SMG7: variants seen among roughly 807,000 people sequenced by gnomAD.
SMG7 encodes the protein SMG7 nonsense mediated mRNA decay factor.
SMG7 carries 34 observed loss-of-function variants against 148.2 expected under a neutral mutation model. The observed-to-expected ratio is 0.23, with a 90% confidence interval of 0.17 to 0.31. SMG7 has a LOEUF of 0.31. SMG7 is among the 10% of genes least tolerant of loss of function. The pLI is 1.00. For synonymous variants in SMG7, 492 were observed against 515.1 expected (o/e 0.96, Z 0.61); for missense variants, 1,114 against 1,408.4 (o/e 0.79, Z 3.35).
rs374142592 is a variant in SMG7, at chr1:183,544,960, C to T, written c.2018C>T (p.Pro673Leu). The change falls in exon 16 of 23, where the codon CCG becomes CTG. Residue 673 changes from proline (P) to leucine (L), a missense_variant. Around this residue, in one of 4 missense-constraint regions of SMG7, gnomAD observed 788 missense variants for 894.5 expected, o/e 0.88. Coordinates refer to ENST00000688051, the MANE Select transcript of SMG7 (RefSeq NM_001375584.1). The part of the protein sequence containing the change: ...GFPPPTYVIP[P>L]PVAFSMGSGY... ...CCGCCCCCAACATATGTTATCCCCC[C>T]GCCTGTGGCATTTTCTATGGGCTCA... The T allele has an allele frequency of 1.4e-5, 23 of 1,613,820 alleles. No individual in the cohort carries two copies. The highest frequency in any genetic ancestry group is 1.7e-4 in the Middle Eastern group (1 of 6,058).
At chr1:183,513,369 C>CTTTTTTTTT (rs1224170251) in intron 2 of SMG7, 1 of 122,716 alleles carries the variant, frequency 8.1e-6, no homozygotes. Flanking sequence ...ATCTTTGTTA[C>CTTTTTTTTT]TTTTTTTTTT....
At position 183,529,489 on chromosome 1, in the gene SMG7, G is replaced by C; in HGVS notation, c.799G>C (p.Glu267Gln). 1 of 1,613,220 alleles carries C rather than the reference G, an allele frequency of 6.2e-7. No homozygotes were observed. The highest frequency in any genetic ancestry group is 8.5e-7 in the Non-Finnish European group (1 of 1,179,342). The change falls in exon 8 of 23, where the codon GAA becomes CAA. Residue 267 changes from glutamate (E) to glutamine (Q), a missense_variant. Transcript: ENST00000688051. Reference protein sequence around the residue: ...HGHVYLSKSLEKLSPLREKLE... With the variant: ...HGHVYLSKSLQKLSPLREKLE... The stretch of plus-strand genomic sequence containing the variant: ...TCATGTGTACCTGAGTAAGAGCTTG[G>C]AAAAGTTGAGCCCTCTTCGAGAGAA...
At chr1:183,526,400 C>T (rs1475300973) in intron 4 of SMG7, among the ~76,000 whole-genome samples, 196 bp from the exon 5 acceptor site, 1 of 151,932 alleles carries the variant, frequency 6.6e-6, no homozygotes, top group Non-Finnish European at 1.5e-5. Flanking sequence ...GTGATCCGCC[C>T]GCCTTGGCCT....
rs1046183336 is a variant in SMG7 at position 183,537,532 on chromosome 1, ATACT to A, written c.1234+322_1234+325del. ...ACATGAACATTGCTCTGTCAAAGTAATACTTACTCATCGTAGAAAATTTGGTACA... is the reference window on the plus strand; with the variant it reads ...ACATGAACATTGCTCTGTCAAAGTAATACTCATCGTAGAAAATTTGGTACA... On this transcript the variant is annotated intron_variant, in intron 11 of 22. Coordinates refer to ENST00000688051, the MANE Select transcript of SMG7 (RefSeq NM_001375584.1). 3.9e-5 allele frequency among the ~76,000 whole-genome samples: 6 copies of A among 152,206 alleles called. No individual in the cohort carries two copies. The South Asian group carries it at 6.2e-4, about 16-fold the overall frequency.
intron 1 of SMG7, chr1:183,502,464 G>A: frequency 5.1e-6 from 6 of 1,186,214 alleles, no homozygotes; most frequent in Non-Finnish European, 5.7e-6. Context: ...CATACTCTGT[G>A]AATACTAATA....
chr1:183,504,066 TC>T (rs1169340888), intron 1 of SMG7, among the ~76,000 whole-genome samples: 2 of 152,152 alleles, frequency 1.3e-5, no homozygotes, highest in African/African-American at 4.8e-5. Flanking sequence ...TTTCCAACAC[TC>T]CCAGTGGCTC....
intron 20 of SMG7, among the ~76,000 whole-genome samples, chr1:183,550,378 T>C (rs918801038): frequency 1.3e-5 from 2 of 152,212 alleles, no homozygotes; most frequent in African/African-American, 2.4e-5. Flanking sequence ...CTCTGCACTT[T>C]TTAAAATTGA....
In SMG7 at chr1:183,553,422, A is replaced by G; in HGVS notation, c.*1491A>G. The G allele has an allele frequency of 1.9e-6, 1 of 528,572 alleles. No individual in the cohort carries two copies. The highest frequency in any genetic ancestry group is 3.4e-6 in the Non-Finnish European group (1 of 296,302). The allele number at this position is 528,572 out of a possible 1,614,324, so 32.7% of individuals were successfully genotyped here. On this transcript the variant is annotated 3_prime_UTR_variant, in exon 23 of 23. Coordinates refer to ENST00000688051, the MANE Select transcript of SMG7 (RefSeq NM_001375584.1). The stretch of plus-strand genomic sequence containing the variant: ...TATGTTTGTGTACACACACGTGCCC[A>G]TCTGCTGTCCCAGAGGGGAGGGGTT...
intron 20 of SMG7, 196 bp downstream of exon 20, chr1:183,550,119 C>A: frequency 4.0e-6 from 2 of 505,386 alleles, no homozygotes; most frequent in African/African-American, 2.0e-5. Context: ...ATGCTACTGA[C>A]AAAACTTTTT....
intron 1 of SMG7, among the ~76,000 whole-genome samples, chr1:183,497,829 C>T (rs1001840919): frequency 6.6e-6 from 1 of 152,150 alleles, no homozygotes; most frequent in African/African-American, 2.4e-5. Flanking sequence ...CTCGGCCTCC[C>T]AAAGTGCTGG....
At chr1:183,519,176 G>C (rs1473099975) in intron 4 of SMG7, among the ~76,000 whole-genome samples, 1 of 152,106 alleles carries the variant, frequency 6.6e-6, no homozygotes, top group Non-Finnish European at 1.5e-5. Context: ...CAGAGCAACA[G>C]AGCAAGACCT....
At position 183,550,939 on chromosome 1, in the gene SMG7, T is replaced by C. The variant is rs1253012601; in HGVS notation, c.3304+18T>C. The C allele has an allele frequency of 2.5e-6, 4 of 1,614,016 alleles. No individual in the cohort carries two copies. The highest frequency in any genetic ancestry group is 3.4e-6 in the Non-Finnish European group (4 of 1,179,904). The stretch of plus-strand genomic sequence containing the variant: ...TAAGCCAGGTGAGATCTACATTTCA[T>C]TGCCAGGCAAAATTGAAAGAATTTA... On this transcript the variant is annotated intron_variant, in intron 21 of 22. Coordinates refer to ENST00000688051, the MANE Select transcript of SMG7 (RefSeq NM_001375584.1).
At chr1:183,522,892 T>A (rs1470049351) in intron 4 of SMG7, among the ~76,000 whole-genome samples, 1 of 151,952 alleles carries the variant, frequency 6.6e-6, no homozygotes, top group African/African-American at 2.4e-5. Flanking sequence ...CTTCCCCACC[T>A]CAGCCTCCCA....
chr1:183,472,602 G>GC lies in SMG7; in HGVS notation c.-18dup. On this transcript the variant is annotated 5_prime_UTR_variant, in exon 1 of 23. Transcript: ENST00000688051. ...ACCCACGGAGGCTTCGCGGGAAGAC[G>GC]CGGCGGCGGCGGCGGAGGATGAGCC... The GC allele has an allele frequency of 4.4e-6, 6 of 1,378,040 alleles. No homozygotes were observed. Among genetic ancestry groups the GC allele is most frequent in the Non-Finnish European group, 5.7e-6 (6 of 1,048,992 alleles). The allele number at this position is 1,378,040 out of a possible 1,614,324, so 85.4% of individuals were successfully genotyped here.
chr1:183,526,880 A>G lies in SMG7; in HGVS notation c.484+113A>G, dbSNP rs1665974359. On this transcript the variant is annotated intron_variant, in intron 5 of 22. Coordinates refer to ENST00000688051, the MANE Select transcript of SMG7 (RefSeq NM_001375584.1). ...GCATACACACACAATTTAGATTGTC[A>G]TAAGAAGAAACTATAAAATGTATTC... The G allele has an allele frequency of 1.2e-5, 10 of 826,396 alleles. No individual in the cohort carries two copies. The South Asian group carries it at 2.5e-4, about 21-fold the overall frequency. The allele number at this position is 826,396 out of a possible 1,614,324, so 51.2% of individuals were successfully genotyped here.
intron 1 of SMG7, among the ~76,000 whole-genome samples, chr1:183,510,146 C>T (rs1661804674): frequency 1.3e-5 from 2 of 152,182 alleles, no homozygotes; most frequent in South Asian, 4.1e-4. Flanking sequence ...TTTTAGCTAA[C>T]ATAGGGAAGC....
chr1:183,494,311 C>G (rs1472934751), intron 1 of SMG7, among the ~76,000 whole-genome samples: 3 of 150,770 alleles, frequency 2.0e-5, no homozygotes, highest in Non-Finnish European at 4.4e-5. Flanking sequence ...CTACTATTGT[C>G]AAACAGCTTC....
intron 1 of SMG7, among the ~76,000 whole-genome samples, chr1:183,473,505 G>A (rs868254311): frequency 6.6e-6 from 1 of 152,106 alleles, no homozygotes; most frequent in Non-Finnish European, 1.5e-5. Flanking sequence ...GTTGAACTTA[G>A]TACCTGATGG....
chr1:183,545,254 C>T lies in SMG7; in HGVS notation c.2312C>T (p.Pro771Leu). The T allele has an allele frequency of 6.2e-7, 1 of 1,613,738 alleles. No individual in the cohort carries two copies. Among genetic ancestry groups the T allele is most frequent in the Non-Finnish European group, 8.5e-7 (1 of 1,180,002 alleles). ...VQALTQQQQS[P>L]TKAVPALGKS... ...GCTCTAACTCAGCAACAACAATCCC[C>T]TACAAAAGCTGTGCCGGCTTTGGGG... is the stretch of plus-strand genomic sequence containing the variant. Residue 771 changes from proline to leucine, a missense_variant, in exon 16 of 23, where the codon CCT (proline) becomes CTT (leucine). Around this residue, in one of 4 missense-constraint regions of SMG7, gnomAD observed 788 missense variants for 894.5 expected, o/e 0.88. Coordinates refer to ENST00000688051, the MANE Select transcript of SMG7 (RefSeq NM_001375584.1).
Sources: gnomAD v4.1 joint callset for allele counts (sites outside exome capture counted in the v4.1 genomes callset) on GRCh38, gnomAD v4.1.1 for gene constraint, gnomAD v4.1.1 regional missense constraint, MANE v1.5 for transcripts, NCBI Gene and HGNC (gene_info 2026-07-23, HGNC 2026-07-21) for gene names.